The following BLNK variants were observed in gnomAD, a reference collection of about 807,000 sequenced individuals.
The protein encoded by BLNK is B-cell linker protein.
Under a neutral mutation model 73.5 loss-of-function variants are expected in BLNK, and 29 were observed. That is an observed-to-expected ratio of 0.39 (90% CI 0.29 to 0.54). The LOEUF (loss-of-function observed/expected upper bound fraction) is 0.54, where lower values mean the gene tolerates loss of function less well. Among genes scored for constraint, BLNK ranks in the 20% least tolerant of loss-of-function variants. The pLI is 0.61. For missense variants in BLNK, 460 were observed against 562.8 expected (o/e 0.82, Z 1.85); for synonymous variants, 176 against 200.8 (o/e 0.88, Z 1.04).
intron 8 of BLNK, among the ~76,000 whole-genome samples, chr10:96,212,504 C>T (rs945621469): frequency 1.3e-5 from 2 of 152,102 alleles, no homozygotes; most frequent in East Asian, 1.9e-4. Flanking sequence ...GTTCAAAGTC[C>T]GGCACCTAGC....
intron 6 of BLNK, among the ~76,000 whole-genome samples, chr10:96,220,280 T>C (rs2084166232): frequency 1.3e-5 from 2 of 152,146 alleles, no homozygotes; most frequent in African/African-American, 4.8e-5. Context: ...CGTGTCCATG[T>C]CATTAATCTT....
At chr10:96,238,793 G>A (rs587738109) in intron 3 of BLNK, 34 of 217,070 alleles carry the variant, frequency 1.6e-4, no homozygotes. Context: ...ATGCATTTCC[G>A]AGACCCTGGA....
In BLNK at chr10:96,204,517, G is replaced by C. The variant is rs376009773; in HGVS notation, c.902+15C>G. ...CAACAAGAGGAAACTGATCTTTAAA[G>C]GAAAGGATTCTTACTTCTGGGCAGG... On this transcript the variant is annotated intron_variant, in intron 12 of 16. Coordinates refer to ENST00000224337, the MANE Select transcript of BLNK (RefSeq NM_013314.4). The C allele has an allele frequency of 6.2e-7, 1 of 1,612,952 alleles. No individual in the cohort carries two copies. The highest frequency in any genetic ancestry group is 8.5e-7 in the Non-Finnish European group (1 of 1,178,974).
chr10:96,244,423 T>G (rs1842972892), intron 2 of BLNK, among the ~76,000 whole-genome samples: 1 of 152,218 alleles, frequency 6.6e-6, no homozygotes, highest in Non-Finnish European at 1.5e-5. Context: ...AAAGGACTGT[T>G]GGCCACTCAA....
At chr10:96,234,955 G>C (rs1471563366) in intron 3 of BLNK, among the ~76,000 whole-genome samples, 7 of 152,196 alleles carry the variant, frequency 4.6e-5, no homozygotes, top group African/African-American at 1.7e-4. Flanking sequence ...CCTTTCCTAT[G>C]GTGTGGTTTA....
chr10:96,227,850 A>G (rs1330214283), intron 4 of BLNK, among the ~76,000 whole-genome samples: 1 of 152,196 alleles, frequency 6.6e-6, no homozygotes, highest in Non-Finnish European at 1.5e-5. Flanking sequence ...AAATAACAAG[A>G]GGAGATAATA....
chr10:96,255,962 G>A (rs562664504), intron 1 of BLNK, among the ~76,000 whole-genome samples: 48 of 152,288 alleles, frequency 3.2e-4, no homozygotes, highest in Admixed American at 7.2e-4. Flanking sequence ...TGAGCTCCAT[G>A]CCCATATAGA....
intron 16 of BLNK, among the ~76,000 whole-genome samples, chr10:96,194,256 T>C (rs1554894140): frequency 6.6e-6 from 1 of 152,206 alleles, no homozygotes; most frequent in East Asian, 1.9e-4. Context: ...GGAGAAGCTT[T>C]AGGATGTTAA....
At chr10:96,204,999 A>C (rs1333146103) in intron 11 of BLNK, 4 of 313,776 alleles carry the variant, frequency 1.3e-5, no homozygotes, top group Non-Finnish European at 2.5e-5. Context: ...ACACAGGTGG[A>C]GACAACACCC....
intron 3 of BLNK, 59 bp from the exon 4 acceptor site, chr10:96,230,893 G>A: frequency 6.3e-7 from 1 of 1,575,024 alleles, no homozygotes; most frequent in Non-Finnish European, 8.7e-7. Flanking sequence ...GCCAGCCCCA[G>A]CCCATCCACA....
Position 96,223,722 on chromosome 10 carries a change from TAGC to T in BLNK, c.525+101_525+103del, listed in dbSNP as rs1175135785. On this transcript the variant is annotated intron_variant, in intron 6 of 16. Coordinates refer to ENST00000224337, the MANE Select transcript of BLNK (RefSeq NM_013314.4). ...GTGGAGAGTTAGAGGGGGCAGTCAA[TAGC>T]AGGTTGTAAAGAAGGAGGACAGCCA... The T allele has an allele frequency of 1.7e-4, 238 of 1,377,720 alleles. No homozygotes were observed. In the African/African-American group the frequency reaches 3.2e-3, roughly 19 times the overall value. The allele number at this position is 1,377,720 out of a possible 1,614,324, so 85.3% of individuals were successfully genotyped here.
At chr10:96,259,792 G>A (rs968579901) in intron 1 of BLNK, among the ~76,000 whole-genome samples, 1 of 144,712 alleles carries the variant, frequency 6.9e-6, no homozygotes, top group Non-Finnish European at 1.5e-5. Flanking sequence ...TCAGAAATTG[G>A]GCTGACTTGG....
chr10:96,228,816 C>T (rs1842380156), intron 4 of BLNK, among the ~76,000 whole-genome samples: 1 of 152,202 alleles, frequency 6.6e-6, no homozygotes, highest in South Asian at 2.1e-4. Context: ...TCTGTGTCCA[C>T]CGCCCTCACA....
At position 96,191,831 on chromosome 10, in the gene BLNK, A is replaced by C; in HGVS notation, c.*142T>G. On this transcript the variant is annotated 3_prime_UTR_variant, in exon 17 of 17. Coordinates refer to ENST00000224337, the MANE Select transcript of BLNK (RefSeq NM_013314.4). The stretch of plus-strand genomic sequence containing the variant: ...TGAGCTTCTTAAAAAGAAATGGATG[A>C]CCACTTCAATAGCTGACTCCATCTT... 1 of 1,112,252 alleles carries C rather than the reference A, an allele frequency of 9.0e-7. No homozygotes were observed. Among genetic ancestry groups the C allele is most frequent in the South Asian group, 1.4e-5 (1 of 72,320 alleles). 68.9% of individuals were successfully genotyped at this position (1,112,252 alleles called of 1,614,324 possible). A position where few individuals can be genotyped will look rare whatever the true frequency, so the allele number is the denominator to read the frequency against.
At chr10:96,270,889 T>A (rs1375069124) in intron 1 of BLNK, among the ~76,000 whole-genome samples, 1 of 152,208 alleles carries the variant, frequency 6.6e-6, no homozygotes, top group Non-Finnish European at 1.5e-5. Context: ...ACTTGTCATA[T>A]ACACCCACAA....
chr10:96,200,854 T>C lies in BLNK; in HGVS notation c.1011+128A>G. 1 of 895,590 alleles carries C rather than the reference T, an allele frequency of 1.1e-6. No individual in the cohort carries two copies. Among genetic ancestry groups the C allele is most frequent in the Non-Finnish European group, 1.9e-6 (1 of 533,704 alleles). 55.5% of individuals were successfully genotyped at this position (895,590 alleles called of 1,614,324 possible). On this transcript the variant is annotated intron_variant, in intron 14 of 16. Transcript: ENST00000224337. The surrounding 1 kb of genome is among the most constrained non-coding windows in gnomAD (Gnocchi z 4.3). ...TTCTGTCCCTATTACCAAATGACAG[T>C]TCACATAATGATGTAAAATACAGTC... is the stretch of plus-strand genomic sequence containing the variant.
intron 3 of BLNK, among the ~76,000 whole-genome samples, chr10:96,235,778 TGAGAGA>T (rs1357980106): frequency 2.6e-5 from 4 of 151,996 alleles, no homozygotes; most frequent in Non-Finnish European, 4.4e-5. Flanking sequence ...CTCCATCATC[TGAGAGA>T]GGGGCTTATG....
intron 8 of BLNK, 96 bp downstream of exon 8, chr10:96,215,225 G>C: frequency 7.5e-7 from 1 of 1,326,970 alleles, no homozygotes; most frequent in Non-Finnish European, 1.1e-6. Context: ...CCAATATTAA[G>C]ACATTTGGAA....
intron 1 of BLNK, among the ~76,000 whole-genome samples, chr10:96,266,765 C>T (rs72637516): frequency 0.076 from 11,604 of 152,236 alleles, 1,223 homozygotes; most frequent in East Asian, 0.54. Flanking sequence ...AAGTTTGCCA[C>T]CCCAGTTAAA....
Sources: gnomAD v4.1 joint callset for allele counts (sites outside exome capture counted in the v4.1 genomes callset) on GRCh38, gnomAD v4.1.1 for gene constraint, Gnocchi (gnomAD v3.1) non-coding constraint, MANE v1.5 for transcripts, NCBI Gene and HGNC (gene_info 2026-07-23, HGNC 2026-07-21) for gene names.